CADPS2: variants seen among roughly 807,000 people sequenced by gnomAD.
CADPS2 encodes the protein calcium-dependent secretion activator 2.
A neutral mutation model predicts 172.5 loss-of-function variants in CADPS2; 93 were observed. The ratio of observed to expected loss-of-function variants is 0.54; its 90% CI spans 0.46 to 0.64. CADPS2 has a LOEUF of 0.64. Ranked by LOEUF, CADPS2 falls within the 30% of genes least tolerant of loss-of-function variation. The pLI, the probability that CADPS2 is intolerant of heterozygous loss-of-function variation, is 0.00. For synonymous variants in CADPS2, 546 were observed against 555.2 expected (o/e 0.98, Z 0.23); for missense variants, 1,420 against 1,565.9 (o/e 0.91, Z 1.57).
chr7:122,372,606 T>TA (rs2041902693), intron 25 of CADPS2, among the ~76,000 whole-genome samples: 4 of 152,312 alleles, frequency 2.6e-5, no homozygotes, highest in Non-Finnish European at 5.9e-5. Context: ...GTAGCAAATA[T>TA]ATTTGTGAAT....
At chr7:122,469,823 CTGTG>C (rs71726905) in intron 14 of CADPS2, among the ~76,000 whole-genome samples, 15 of 148,626 alleles carry the variant, frequency 1.0e-4, no homozygotes, top group South Asian at 6.5e-4. Context: ...AGGTGTGTGT[CTGTG>C]TGTGTGTGTG....
At chr7:122,845,494 A>G (rs1341890182) in intron 1 of CADPS2, among the ~76,000 whole-genome samples, 2 of 152,190 alleles carry the variant, frequency 1.3e-5, no homozygotes, top group Non-Finnish European at 2.9e-5. Context: ...AAGAGAGTTA[A>G]TTTTAAACTC....
intron 2 of CADPS2, among the ~76,000 whole-genome samples, chr7:122,712,063 C>T (rs4283984): frequency 0.046 from 7,026 of 152,068 alleles, 221 homozygotes; most frequent in Non-Finnish European, 0.049. Context: ...AAGCAATAAG[C>T]ACTATTTTCT....
At chr7:122,849,256 T>C (rs563326002) in intron 1 of CADPS2, among the ~76,000 whole-genome samples, 2 of 152,350 alleles carry the variant, frequency 1.3e-5, no homozygotes, top group Admixed American at 1.3e-4. Context: ...TGGAACATTC[T>C]GAAGCTCTCC....
At chr7:122,774,259 T>C (rs941475482) in intron 1 of CADPS2, among the ~76,000 whole-genome samples, 15 of 130,736 alleles carry the variant, frequency 1.1e-4, no homozygotes, top group Non-Finnish European at 1.6e-4. Context: ...TATATAGACA[T>C]AGATAGATAT....
intron 8 of CADPS2, among the ~76,000 whole-genome samples, chr7:122,548,106 A>C (rs1424803574): frequency 6.6e-6 from 1 of 152,068 alleles, no homozygotes; most frequent in Non-Finnish European, 1.5e-5. Flanking sequence ...GGTGGCTCAC[A>C]CTTGTAATCT....
chr7:122,817,730 T>C (rs1214233905), intron 1 of CADPS2, among the ~76,000 whole-genome samples: 1 of 151,708 alleles, frequency 6.6e-6, no homozygotes, highest in South Asian at 2.1e-4. Flanking sequence ...CTCAACCCCT[T>C]CTCCTTCACT....
intron 1 of CADPS2, among the ~76,000 whole-genome samples, chr7:122,812,713 C>T (rs1800330536): frequency 6.6e-6 from 1 of 152,072 alleles, no homozygotes; most frequent in Admixed American, 6.6e-5. Context: ...TATCTTCAGA[C>T]TCTCTCCACC....
intron 27 of CADPS2, among the ~76,000 whole-genome samples, chr7:122,350,892 G>A (rs2151029717): frequency 6.6e-6 from 1 of 152,034 alleles, no homozygotes; most frequent in East Asian, 1.9e-4. Flanking sequence ...AGTCTGAGGT[G>A]GGAGGCTGCG....
At chr7:122,531,368 C>T (rs1255710720) in intron 8 of CADPS2, among the ~76,000 whole-genome samples, 1 of 152,046 alleles carries the variant, frequency 6.6e-6, no homozygotes, top group Admixed American at 6.6e-5. Flanking sequence ...ATTCAAGTTC[C>T]AGCCTCACAG....
chr7:122,557,251 A>G (rs1490945700), intron 7 of CADPS2, among the ~76,000 whole-genome samples: 2 of 152,184 alleles, frequency 1.3e-5, no homozygotes, highest in Non-Finnish European at 2.9e-5. Flanking sequence ...TTCGCCATGA[A>G]TGAATAGATA....
chr7:122,338,865 A>T (rs1449569953), intron 28 of CADPS2: 1 of 151,844 alleles, frequency 6.6e-6, no homozygotes, highest in East Asian at 1.9e-4. Flanking sequence ...GACTTGGATG[A>T]TCCTCTCGCC....
At chr7:122,536,235 T>C (rs1010023623) in intron 8 of CADPS2, among the ~76,000 whole-genome samples, 3 of 152,098 alleles carry the variant, frequency 2.0e-5, no homozygotes, top group African/African-American at 7.2e-5. Context: ...AAAATAGAAG[T>C]ATTTAAGATT....
chr7:122,467,363 A>T (rs564059853), intron 14 of CADPS2, among the ~76,000 whole-genome samples: 1 of 152,318 alleles, frequency 6.6e-6, no homozygotes, highest in East Asian at 1.9e-4. Context: ...AAAAATGCAC[A>T]CTGTCTCTAA....
At chr7:122,329,846 G>A (rs1277241730) in intron 28 of CADPS2, among the ~76,000 whole-genome samples, 2 of 152,132 alleles carry the variant, frequency 1.3e-5, no homozygotes, top group Admixed American at 6.6e-5. Context: ...ACCACATAGG[G>A]TTTATATATC....
intron 20 of CADPS2, among the ~76,000 whole-genome samples, chr7:122,400,546 T>C (rs1005051960): frequency 6.6e-6 from 1 of 152,210 alleles, no homozygotes; most frequent in Non-Finnish European, 1.5e-5. Context: ...TAGTGACTCC[T>C]TGCTTTTATA....
chr7:122,422,913 C>G (rs571425514), intron 17 of CADPS2, among the ~76,000 whole-genome samples: 1 of 152,022 alleles, frequency 6.6e-6, no homozygotes, highest in Admixed American at 6.5e-5. Flanking sequence ...GAGCCGAGAT[C>G]GCGCCACTGC....
chr7:122,505,743 G>C (rs1302480755), intron 9 of CADPS2, among the ~76,000 whole-genome samples: 1 of 152,182 alleles, frequency 6.6e-6, no homozygotes, highest in East Asian at 1.9e-4. Context: ...AACTCCAGAA[G>C]CTGCAACCTA....
chr7:122,820,103 T>C (rs1300947095), intron 1 of CADPS2, among the ~76,000 whole-genome samples: 1 of 152,150 alleles, frequency 6.6e-6, no homozygotes, highest in Non-Finnish European at 1.5e-5. Context: ...CACCCTGTGG[T>C]GCCAAACCCA....
Sources: gnomAD v4.1 joint callset for allele counts (sites outside exome capture counted in the v4.1 genomes callset) on GRCh38, gnomAD v4.1.1 for gene constraint, MANE v1.5 for transcripts, NCBI Gene and HGNC (gene_info 2026-07-23, HGNC 2026-07-21) for gene names.